The following DLG2 variants were observed in gnomAD, a reference collection of about 807,000 sequenced individuals.
The protein encoded by DLG2 is discs large MAGUK scaffold protein 2.
In DLG2, 45 loss-of-function variants were observed where a neutral mutation model predicts 132.5. The observed-to-expected ratio is 0.34, with a 90% CI of 0.27 to 0.44. The LOEUF (loss-of-function observed/expected upper bound fraction) is 0.44, where lower values mean the gene tolerates loss of function less well. Among genes scored for constraint, DLG2 ranks in the 20% least tolerant of loss-of-function variants. DLG2 has a pLI of 1.00. For synonymous variants in DLG2, 424 were observed against 419.6 expected (o/e 1.01, Z -0.13); for missense variants, 1,045 against 1,196.9 (o/e 0.87, Z 1.87).
intron 6 of DLG2, among the ~76,000 whole-genome samples, chr11:84,543,173 A>C (rs554945673): frequency 6.6e-6 from 1 of 152,338 alleles, no homozygotes; most frequent in African/African-American, 2.4e-5. Flanking sequence ...TCTGAATGAT[A>C]TCCTGACTGG....
chr11:83,863,808 G>A (rs1485463606), intron 16 of DLG2, among the ~76,000 whole-genome samples: 1 of 152,072 alleles, frequency 6.6e-6, no homozygotes, highest in African/African-American at 2.4e-5. Flanking sequence ...TATGCCAAAA[G>A]GCCATCTTCT....
chr11:84,857,071 A>ACCAATGG (rs2154026145), intron 6 of DLG2, among the ~76,000 whole-genome samples: 1 of 151,286 alleles, frequency 6.6e-6, no homozygotes, highest in African/African-American at 2.4e-5. Context: ...TGGTAAAATT[A>ACCAATGG]CCAATGGCTT....
rs545167529 is a variant in DLG2, at chr11:85,002,240, C to G, written c.357+109421G>C. 2.0e-5 allele frequency among the ~76,000 whole-genome samples: 3 copies of G among 152,188 alleles called. No homozygotes were observed. The South Asian group carries it at 6.2e-4, about 32-fold the overall frequency. ...TTTCCTACCTCTAAAAATATCACAT[C>G]ATAAAAATAATGCCCTGATTTGGCT... On this transcript the variant is annotated intron_variant, in intron 6 of 27. Transcript: ENST00000376104.
chr11:83,872,089 C>A (rs1352363743), intron 16 of DLG2, among the ~76,000 whole-genome samples: 1 of 152,102 alleles, frequency 6.6e-6, no homozygotes. Context: ...TATGGTGAAA[C>A]CCCGTCTCTA....
chr11:84,230,428 T>A (rs539957795), intron 8 of DLG2, among the ~76,000 whole-genome samples: 1 of 152,336 alleles, frequency 6.6e-6, no homozygotes, highest in East Asian at 1.9e-4. Context: ...ATGATATTTG[T>A]TATGCCAGTA....
chr11:84,959,444 T>G (rs139021379), intron 6 of DLG2, among the ~76,000 whole-genome samples: 1 of 152,288 alleles, frequency 6.6e-6, no homozygotes, highest in African/African-American at 2.4e-5. Context: ...GCATCTACAG[T>G]ACTTGGCAAA....
intron 3 of DLG2, among the ~76,000 whole-genome samples, chr11:85,483,839 G>A (rs1382868558): frequency 6.6e-6 from 1 of 150,706 alleles, no homozygotes; most frequent in Non-Finnish European, 1.5e-5. Flanking sequence ...AGCTACTCAG[G>A]AGGCTGAGGC....
intron 7 of DLG2, among the ~76,000 whole-genome samples, chr11:84,385,482 A>C (rs1216298808): frequency 6.6e-6 from 1 of 152,146 alleles, no homozygotes; most frequent in Non-Finnish European, 1.5e-5. Context: ...GAATTGAAAC[A>C]TACTACAAGG....
chr11:85,161,325 A>T (rs1489981248), intron 4 of DLG2, among the ~76,000 whole-genome samples: 1 of 152,202 alleles, frequency 6.6e-6, no homozygotes, highest in Non-Finnish European at 1.5e-5. Context: ...TGGGCTCAGC[A>T]ACATGCAGTT....
chr11:83,907,493 T>A (rs1488846476), intron 15 of DLG2, among the ~76,000 whole-genome samples: 1 of 152,112 alleles, frequency 6.6e-6, no homozygotes, highest in South Asian at 2.1e-4. Context: ...AATATCCAGA[T>A]ACCCTCTCTA....
intron 3 of DLG2, among the ~76,000 whole-genome samples, chr11:85,546,220 C>A (rs1002976211): frequency 1.3e-5 from 2 of 152,184 alleles, no homozygotes; most frequent in South Asian, 4.1e-4. Context: ...CAAAGACCAT[C>A]TTTATTTCTG....
chr11:85,002,712 AC>A (rs1028318224), intron 6 of DLG2, among the ~76,000 whole-genome samples: 2 of 152,042 alleles, frequency 1.3e-5, no homozygotes, highest in Non-Finnish European at 2.9e-5. Context: ...GCAGAGGTCC[AC>A]TTACATGGGG....
intron 11 of DLG2, among the ~76,000 whole-genome samples, chr11:84,044,560 A>C (rs2096195072): frequency 6.6e-6 from 1 of 151,734 alleles, no homozygotes; most frequent in South Asian, 2.1e-4. Context: ...TAGAGGCTAC[A>C]GGCAAGTGTG....
Position 83,779,632 on chromosome 11 carries a change from T to G in DLG2, c.1825+7058A>C, listed in dbSNP as rs576520544. ...TACTAACTGCTCAGCTAGCCTCAGC[T>G]TTAACAGCTATACCAATTTTAAAAT... is the stretch of plus-strand genomic sequence containing the variant. On this transcript the variant is annotated intron_variant, in intron 18 of 27. Transcript: ENST00000376104. Among the ~76,000 whole-genome samples, 8 of 152,336 alleles carry G rather than the reference T, an allele frequency of 5.3e-5. No homozygotes were observed. In the South Asian group the frequency reaches 1.7e-3, roughly 32 times the overall value.
chr11:83,628,728 T>TA (rs1481728361), intron 19 of DLG2, among the ~76,000 whole-genome samples: 5 of 152,144 alleles, frequency 3.3e-5, no homozygotes, highest in Non-Finnish European at 7.4e-5. Flanking sequence ...GGATCCTCGA[T>TA]ATGTTTAATA....
intron 3 of DLG2, among the ~76,000 whole-genome samples, chr11:85,595,578 A>T (rs1307840316): frequency 6.6e-6 from 1 of 152,144 alleles, no homozygotes; most frequent in Non-Finnish European, 1.5e-5. Flanking sequence ...AATGAACACC[A>T]ATTGCTGTCT....
At chr11:84,763,929 G>T (rs886738036) in intron 6 of DLG2, among the ~76,000 whole-genome samples, 1 of 152,206 alleles carries the variant, frequency 6.6e-6, no homozygotes, top group Middle Eastern at 3.4e-3. Context: ...ATCAGCAAAA[G>T]CCAGGGGAGA....
chr11:85,380,590 G>A (rs1389395196), intron 3 of DLG2, among the ~76,000 whole-genome samples: 2 of 152,212 alleles, frequency 1.3e-5, no homozygotes, highest in African/African-American at 2.4e-5. Context: ...AACCTAGGAG[G>A]CGGAGGTTGC....
intron 6 of DLG2, among the ~76,000 whole-genome samples, chr11:84,618,034 G>T (rs1162903306): frequency 6.6e-6 from 1 of 152,084 alleles, no homozygotes; most frequent in Non-Finnish European, 1.5e-5. Flanking sequence ...AAAAGGAAGT[G>T]ATCTGTGCAC....
Sources: allele counts gnomAD v4.1 joint callset (sites outside exome capture counted in the v4.1 genomes callset), GRCh38; gene constraint gnomAD v4.1.1; transcripts MANE v1.5; gene names NCBI Gene and HGNC (gene_info 2026-07-23, HGNC 2026-07-21).